HNF4G: variants seen among roughly 807,000 people sequenced by gnomAD.
HNF4G encodes hepatocyte nuclear factor 4-gamma.
Under a neutral mutation model 50.9 loss-of-function variants are expected in HNF4G, and 21 were observed. The observed-to-expected ratio is 0.41, with a 90% CI of 0.29 to 0.59. HNF4G has a LOEUF of 0.59. Ranked by LOEUF, HNF4G falls within the 20% of genes least tolerant of loss-of-function variation. HNF4G has a pLI of 0.26. For missense variants in HNF4G, 527 were observed against 559.4 expected, an observed-to-expected ratio of 0.94 and a Z score of 0.58; for synonymous variants, 198 against 185.6, an observed-to-expected ratio of 1.07 and a Z score of -0.54.
chr8:75,462,556 A>G (rs1811879717), intron 1 of HNF4G, among the ~76,000 whole-genome samples: 1 of 152,250 alleles, frequency 6.6e-6, no homozygotes, highest in Non-Finnish European at 1.5e-5. Flanking sequence ...TTTTTAGACT[A>G]CAGTTGACTG....
chr8:75,503,495 C>T (rs1812986384), intron 2 of HNF4G, among the ~76,000 whole-genome samples: 1 of 152,170 alleles, frequency 6.6e-6, no homozygotes, highest in African/African-American at 2.4e-5. Context: ...CTTACAACAG[C>T]TTCTGGTCTA....
chr8:75,497,478 G>A (rs1352365983), intron 2 of HNF4G, among the ~76,000 whole-genome samples: 1 of 152,182 alleles, frequency 6.6e-6, no homozygotes, highest in East Asian at 1.9e-4. Context: ...GAGGTCAGGA[G>A]TTCGAGGTCA....
At chr8:75,526,281 A>G (rs1275723132) in intron 2 of HNF4G, among the ~76,000 whole-genome samples, 1 of 151,806 alleles carries the variant, frequency 6.6e-6, no homozygotes, top group Admixed American at 6.6e-5. Flanking sequence ...GGTGCACATC[A>G]CCACACTGGG....
At chr8:75,468,409 T>C (rs1812036461) in intron 1 of HNF4G, among the ~76,000 whole-genome samples, 1 of 152,106 alleles carries the variant, frequency 6.6e-6, no homozygotes, top group African/African-American at 2.4e-5. Flanking sequence ...ATAAAATATA[T>C]GTAGGGCTGG....
At chr8:75,542,801 A>G (rs1035269366) in intron 1 of HNF4G, among the ~76,000 whole-genome samples, 3 of 152,194 alleles carry the variant, frequency 2.0e-5, no homozygotes, top group African/African-American at 7.2e-5. Flanking sequence ...GAATGGAAGG[A>G]AAGAACTTAG....
intron 2 of HNF4G, among the ~76,000 whole-genome samples, chr8:75,499,368 G>A (rs1812863845): frequency 6.6e-6 from 1 of 152,018 alleles, no homozygotes; most frequent in African/African-American, 2.4e-5. Context: ...ATTATTGAGA[G>A]AAATGGAAGA....
chr8:75,462,538 G>A (rs1811879358), intron 1 of HNF4G, among the ~76,000 whole-genome samples: 1 of 152,142 alleles, frequency 6.6e-6, no homozygotes, highest in African/African-American at 2.4e-5. Flanking sequence ...AGAATTTTCA[G>A]TTTAATATTT....
At chr8:75,511,304 T>C (rs963899632) in intron 2 of HNF4G, among the ~76,000 whole-genome samples, 1 of 152,212 alleles carries the variant, frequency 6.6e-6, no homozygotes, top group Non-Finnish European at 1.5e-5. Flanking sequence ...TTGAGCTCTT[T>C]ATTCTGTTCT....
chr8:75,466,471 T>C (rs1040691060), intron 1 of HNF4G, among the ~76,000 whole-genome samples: 1 of 151,978 alleles, frequency 6.6e-6, no homozygotes, highest in Non-Finnish European at 1.5e-5. Flanking sequence ...CTTGCTGACC[T>C]TTCTTTTCCT....
chr8:75,485,318 CAA>C (rs1255815325), intron 1 of HNF4G, among the ~76,000 whole-genome samples: 2 of 152,064 alleles, frequency 1.3e-5, no homozygotes, highest in African/African-American at 2.4e-5. Context: ...CATCAAATTC[CAA>C]AGAGTTTCCA....
At chr8:75,444,369 A>T (rs1467398982) in intron 1 of HNF4G, among the ~76,000 whole-genome samples, 1 of 151,688 alleles carries the variant, frequency 6.6e-6, no homozygotes, top group Non-Finnish European at 1.5e-5. Flanking sequence ...AACTGCATCA[A>T]CTAACCAGCA....
At chr8:75,437,908 C>T (rs1456160601) in intron 1 of HNF4G, among the ~76,000 whole-genome samples, 1 of 152,020 alleles carries the variant, frequency 6.6e-6, no homozygotes, top group East Asian at 1.9e-4. Flanking sequence ...TAAAGAATCA[C>T]TATCACCTTT....
At chr8:75,514,216 A>T (rs1563536256) in intron 2 of HNF4G, among the ~76,000 whole-genome samples, 1 of 151,462 alleles carries the variant, frequency 6.6e-6, no homozygotes. Flanking sequence ...ATGTATAATG[A>T]TTTTTTTTGG....
At chr8:75,420,434 T>G (rs564586308) in intron 1 of HNF4G, among the ~76,000 whole-genome samples, 1 of 152,356 alleles carries the variant, frequency 6.6e-6, no homozygotes, top group South Asian at 2.1e-4. Context: ...ATGAGGTGTT[T>G]GACGTTCCGG....
intron 2 of HNF4G, among the ~76,000 whole-genome samples, chr8:75,515,914 C>T (rs549288122): frequency 2.6e-5 from 4 of 152,090 alleles, no homozygotes; most frequent in Admixed American, 2.0e-4. Flanking sequence ...TACAGGCATG[C>T]GCCCCCATGC....
Position 75,558,624 on chromosome 8 carries a change from T to G in HNF4G, c.840T>G (p.Asp280Glu), listed in dbSNP as rs1807204951. 1 of 1,614,038 alleles carries G rather than the reference T, an allele frequency of 6.2e-7. No individual in the cohort carries two copies. The highest frequency in any genetic ancestry group is 1.3e-5 in the African/African-American group (1 of 75,044). ...LVRPFQEIQI[D>E]DNEYACLKAI... ...GACCATTTCAAGAAATCCAGATTGA[T>G]GACAATGAGTATGCTTGTTTAAAGG... Residue 280 changes from aspartate to glutamate, a missense_variant, in exon 7 of 10, where the codon GAT becomes GAG. Physicochemically the swap from Asp to Glu is conservative, Grantham distance 45. This residue lies in a region of HNF4G where 308 missense variants were observed against 301.5 expected (regional missense o/e 1.02). Coordinates refer to ENST00000396423, the MANE Select transcript of HNF4G (RefSeq NM_004133.5).
chr8:75,525,566 A>G (rs538576836), intron 2 of HNF4G, among the ~76,000 whole-genome samples: 1 of 152,238 alleles, frequency 6.6e-6, no homozygotes, highest in African/African-American at 2.4e-5. Flanking sequence ...GTGCTACCTG[A>G]CACCTCACCT....
At chr8:75,417,121 GCACACACACA>G (rs36033284) in intron 1 of HNF4G, among the ~76,000 whole-genome samples, 5 of 151,226 alleles carry the variant, frequency 3.3e-5, no homozygotes, top group African/African-American at 7.3e-5. Flanking sequence ...ACGCGTGTGC[GCACACACACA>G]CACACACACA....
At chr8:75,557,886 CT>C (rs982535332) in intron 6 of HNF4G, among the ~76,000 whole-genome samples, 3 of 152,086 alleles carry the variant, frequency 2.0e-5, no homozygotes, top group Admixed American at 6.6e-5. Context: ...TTAGAAAGAT[CT>C]TTAGGGAATA....
Sources: gnomAD v4.1 joint callset for allele counts (sites outside exome capture counted in the v4.1 genomes callset) on GRCh38, gnomAD v4.1.1 for gene constraint, gnomAD v4.1.1 regional missense constraint, MANE v1.5 for transcripts, NCBI Gene and HGNC (gene_info 2026-07-23, HGNC 2026-07-21) for gene names.